The following BPIFB1 variants were observed in gnomAD, a reference collection of about 807,000 sequenced individuals.
BPIFB1 encodes BPI fold-containing family B member 1.
In BPIFB1, 34 loss-of-function variants were observed where a neutral mutation model predicts 55.1. The observed-to-expected ratio is 0.62, with a 90% CI of 0.47 to 0.82. The LOEUF (loss-of-function observed/expected upper bound fraction) is 0.82. Ranked by LOEUF, BPIFB1 falls within the 40% of genes least tolerant of loss-of-function variation. The pLI, the probability that BPIFB1 is intolerant of heterozygous loss-of-function variation, is 0.00. For synonymous variants in BPIFB1, 236 were observed against 245.3 expected (o/e 0.96, Z 0.35); for missense variants, 532 against 593.1 (o/e 0.90, Z 1.07).
At chr20:33,290,786 G>C (rs2145250) in intron 4 of BPIFB1, among the ~76,000 whole-genome samples, 171 bp from the exon 5 acceptor site, 114,048 of 152,114 alleles carry the variant, frequency 0.75, 42,906 homozygotes, top group South Asian at 0.85. Context: ...CCAAAGAGGA[G>C]TCTGAAAACT....
At chr20:33,296,205 G>A (rs1465152294) in intron 6 of BPIFB1, among the ~76,000 whole-genome samples, 1 of 152,170 alleles carries the variant, frequency 6.6e-6, no homozygotes, top group Admixed American at 6.5e-5. Flanking sequence ...AGAAATGAAG[G>A]ATGGGGAATT....
At chr20:33,304,816 G>T in intron 12 of BPIFB1, 30 bp from the exon 13 acceptor site, 1 of 1,614,022 alleles carries the variant, frequency 6.2e-7, no homozygotes, top group East Asian at 2.2e-5. Flanking sequence ...GGACTTCAGG[G>T]GCCGCTCTCA....
In BPIFB1 at chr20:33,302,945, C is replaced by G. The variant is rs765136570; in HGVS notation, c.1011C>G (p.Ile337Met). 6.2e-7 allele frequency: 1 copy of G among 1,614,124 alleles called. No individual in the cohort carries two copies. Among genetic ancestry groups the G allele is most frequent in the Admixed American group, 1.7e-5 (1 of 60,026 alleles). ...CAGATAAGCTGGGATCTACCCAGAT[C>G]GTGAAGATCCTAACTCAGGACACTC... ...KAADKLGSTQ[I>M]VKILTQDTPE... is the part of the protein sequence containing the mutation. Residue 337 changes from isoleucine to methionine, a missense_variant, in exon 11 of 16, where the codon ATC becomes ATG. Physicochemically the swap from Ile to Met is conservative, Grantham distance 10. Transcript: ENST00000253354.
intron 2 of BPIFB1, among the ~76,000 whole-genome samples, chr20:33,288,317 A>T (rs1053391241): frequency 6.6e-6 from 1 of 152,192 alleles, no homozygotes; most frequent in Non-Finnish European, 1.5e-5. Context: ...CATCCATAGG[A>T]TATGGATGCC....
chr20:33,289,880 T>A lies in BPIFB1; in HGVS notation c.258-5T>A. ...TGATTCTGATCTCTCCTAAACCCCA[T>A]CCAGGCTGAAGGTCATCACAGCTAA... is the stretch of plus-strand genomic sequence containing the variant. On this transcript the variant is annotated splice_region_variant and splice_polypyrimidine_tract_variant and intron_variant, in intron 3 of 15. Coordinates refer to ENST00000253354, the MANE Select transcript of BPIFB1 (RefSeq NM_033197.3). 6.2e-7 allele frequency: 1 copy of A among 1,613,310 alleles called. No individual in the cohort carries two copies. Among genetic ancestry groups the A allele is most frequent in the South Asian group, 1.1e-5 (1 of 91,056 alleles).
Position 33,291,104 on chromosome 20 carries a change from T to C in BPIFB1, c.513T>C (p.His171=), listed in dbSNP as rs1230319313. Residue 171 remains histidine (H), a splice_region_variant and synonymous_variant, in exon 5 of 16, where the codon CAT becomes CAC. Coordinates refer to ENST00000253354, the MANE Select transcript of BPIFB1 (RefSeq NM_033197.3). ...SHGSLRIQLL[H]KLSFLVNALA... is the part of the protein sequence containing the mutation. Reference sequence around the variant, plus strand: ...GGAGCCTGCGCATCCAACTGCTGCATAAGTGAGTGTCGCTGGCCACCAGCC... The same window carrying C: ...GGAGCCTGCGCATCCAACTGCTGCACAAGTGAGTGTCGCTGGCCACCAGCC... 1.2e-6 allele frequency: 2 copies of C among 1,610,332 alleles called. No homozygotes were observed. The highest frequency in any genetic ancestry group is 1.3e-5 in the African/African-American group (1 of 75,054).
intron 1 of BPIFB1, 127 bp from the exon 2 acceptor site, chr20:33,285,906 A>G (rs1980251176): frequency 1.6e-6 from 1 of 607,198 alleles, no homozygotes; most frequent in Non-Finnish European, 2.9e-6. Context: ...GCCTAAGGCT[A>G]CACAGCTAGC....
At chr20:33,290,688 A>G (rs1448516121) in intron 4 of BPIFB1, among the ~76,000 whole-genome samples, 1 of 152,202 alleles carries the variant, frequency 6.6e-6, no homozygotes, top group African/African-American at 2.4e-5. Context: ...CCAGTGTTGC[A>G]TGCGCTAAAC....
intron 4 of BPIFB1, 24 bp downstream of exon 4, chr20:33,290,016 CA>C (rs1568647441): frequency 1.3e-6 from 2 of 1,572,600 alleles, no homozygotes; most frequent in Non-Finnish European, 1.8e-6. Flanking sequence ...CCATCAAGTA[CA>C]GTAGGCTTGA....
At chr20:33,297,127 G>T (rs936840171) in intron 6 of BPIFB1, among the ~76,000 whole-genome samples, 1 of 152,300 alleles carries the variant, frequency 6.6e-6, no homozygotes. Flanking sequence ...CACCATGCTG[G>T]CCAGGCTGGT....
intron 12 of BPIFB1, among the ~76,000 whole-genome samples, chr20:33,304,282 G>A (rs919152703): frequency 2.6e-5 from 4 of 152,304 alleles, no homozygotes; most frequent in Middle Eastern, 3.4e-3. Context: ...CTCCCAGGCC[G>A]TGGCAGTGAC....
intron 7 of BPIFB1, among the ~76,000 whole-genome samples, chr20:33,298,440 A>T (rs4911315): frequency 0.95 from 144,078 of 152,284 alleles, 68,276 homozygotes; most frequent in East Asian, 1. Context: ...TACCAACTGC[A>T]CTTTGGGATC....
chr20:33,307,919 CA>C (rs370328605), intron 15 of BPIFB1: 119 of 147,622 alleles, frequency 8.1e-4, no homozygotes, highest in Admixed American at 2.8e-3. Flanking sequence ...ATCCCCCCCC[CA>C]AAAAAAAAAG....
At chr20:33,288,627 C>T (rs1370686690) in intron 2 of BPIFB1, 114 bp from the exon 3 acceptor site, 2 of 1,275,074 alleles carry the variant, frequency 1.6e-6, no homozygotes, top group South Asian at 1.4e-5. Context: ...GATGGCTACA[C>T]CCTCGCCTTA....
intron 12 of BPIFB1, 41 bp from the exon 13 acceptor site, chr20:33,304,805 G>A (rs1980968997): frequency 1.9e-6 from 3 of 1,612,564 alleles, no homozygotes; most frequent in African/African-American, 1.3e-5. Context: ...GTGAATGAGT[G>A]GGACTTCAGG....
At position 33,295,977 on chromosome 20, in the gene BPIFB1, AAGGG is replaced by A. The variant is rs553122297; in HGVS notation, c.598-1526_598-1523del. On this transcript the variant is annotated intron_variant, in intron 6 of 15. Transcript: ENST00000253354. The stretch of plus-strand genomic sequence containing the variant: ...GAGGGAGGGAGGGAAGAAAGGAAGG[AAGGG>A]AGGGAGGGAGGGAGGGAGGGAAAAT... Among the ~76,000 whole-genome samples the A allele has an allele frequency of 8.1e-4, 90 of 110,626 alleles. 1 individual carries two copies. Among genetic ancestry groups the A allele is most frequent in the East Asian group, 1.8e-3 (6 of 3,358 alleles). The allele number at this position is 110,626 out of a possible 152,430, so 72.6% of individuals were successfully genotyped here.
chr20:33,302,529 C>T (rs1600668780), intron 10 of BPIFB1, 117 bp downstream of exon 10: 5 of 1,124,534 alleles, frequency 4.4e-6, no homozygotes, highest in South Asian at 3.8e-5. Context: ...ACACTCAAAC[C>T]GCATCCCTGT....
Position 33,309,220 on chromosome 20 carries a change from G to T in BPIFB1, c.1396-488G>T, listed in dbSNP as rs888803044. Among the ~76,000 whole-genome samples, 1 of 152,166 alleles carries T rather than the reference G, an allele frequency of 6.6e-6. No homozygotes were observed. The highest frequency in any genetic ancestry group is 1.5e-5 in the Non-Finnish European group (1 of 68,028). On this transcript the variant is annotated intron_variant, in intron 15 of 15. Transcript: ENST00000253354. This position sits in a 1 kb window ranked among gnomAD's most constrained non-coding sequence, Gnocchi z 4.4. Reference sequence around the variant, plus strand: ...CAGTCACTGTGTGCCAGGCTCTGGGGCATCTCTCCCCCTCTAGAGTGGAGC... The same window carrying T: ...CAGTCACTGTGTGCCAGGCTCTGGGTCATCTCTCCCCCTCTAGAGTGGAGC...
intron 13 of BPIFB1, 72 bp downstream of exon 13, chr20:33,304,963 G>T: frequency 6.4e-7 from 1 of 1,553,006 alleles, no homozygotes; most frequent in South Asian, 1.1e-5. Flanking sequence ...AACAGATATT[G>T]CCCAGGATTT....
Sources: gnomAD v4.1 joint callset for allele counts (sites outside exome capture counted in the v4.1 genomes callset) on GRCh38, gnomAD v4.1.1 for gene constraint, Gnocchi (gnomAD v3.1) non-coding constraint, MANE v1.5 for transcripts, NCBI Gene and HGNC (gene_info 2026-07-23, HGNC 2026-07-21) for gene names.